The following FAM185A variants were observed in gnomAD, a reference collection of about 807,000 sequenced individuals.
The protein encoded by FAM185A is family with sequence similarity 185 member A.
FAM185A carries 21 observed loss-of-function variants against 45.7 expected under a neutral mutation model. That is an observed-to-expected ratio of 0.46 (90% CI 0.33 to 0.66). The LOEUF is 0.66. FAM185A is among the 30% of genes least tolerant of loss of function. The pLI is 0.03. For synonymous variants in FAM185A, 117 were observed against 194.0 expected, an observed-to-expected ratio of 0.60 and a Z score of 3.30; for missense variants, 305 against 485.4, an observed-to-expected ratio of 0.63 and a Z score of 3.49.
At chr7:102,824,042 G>T in the FAM185A span, among the ~76,000 whole-genome samples, 1,652 of 152,310 alleles carry the variant, frequency 0.011, 36 homozygotes, top group African/African-American at 0.038. Flanking sequence ...CAGAGTAGCA[G>T]GTTTGGTTTG....
intron 2 of FAM185A, among the ~76,000 whole-genome samples, chr7:102,756,540 C>G (rs4729857): frequency 0.52 from 78,690 of 151,580 alleles, 21,295 homozygotes; most frequent in Middle Eastern, 0.65. Context: ...GCTTGTAGTC[C>G]CAGCTACGTG....
intron 5 of FAM185A, among the ~76,000 whole-genome samples, chr7:102,774,151 G>A (rs2537428): frequency 0.22 from 33,001 of 151,794 alleles, 4,233 homozygotes; most frequent in East Asian, 0.53. Flanking sequence ...GTAAGTTTCA[G>A]TGTAGAGATC....
chr7:102,825,541 G>A, the FAM185A span, among the ~76,000 whole-genome samples: 33,785 of 152,054 alleles, frequency 0.22, 4,279 homozygotes, highest in African/African-American at 0.35. Context: ...CCCAGTTTCA[G>A]GTATTCTGTT....
the FAM185A span, among the ~76,000 whole-genome samples, chr7:102,840,514 C>T: frequency 8.7e-4 from 132 of 152,286 alleles, no homozygotes; most frequent in African/African-American, 3.1e-3. Flanking sequence ...ATTTGCACAG[C>T]CAGCCACCTC....
At chr7:102,778,144 G>C (rs1795183327) in intron 6 of FAM185A, among the ~76,000 whole-genome samples, 1 of 152,214 alleles carries the variant, frequency 6.6e-6, no homozygotes, top group African/African-American at 2.4e-5. Context: ...CACAGAGACT[G>C]ATTGTTCCTG....
chr7:102,819,677 C>T, the FAM185A span, among the ~76,000 whole-genome samples: 1 of 152,144 alleles, frequency 6.6e-6, no homozygotes, highest in East Asian at 1.9e-4. Context: ...AGACATTGAG[C>T]TTCTTCCCAA....
At chr7:102,829,325 C>CCT in the FAM185A span, among the ~76,000 whole-genome samples, 1 of 152,202 alleles carries the variant, frequency 6.6e-6, no homozygotes, top group East Asian at 1.9e-4. Flanking sequence ...CAGACTCAGA[C>CCT]AAGTTGGTAA....
chr7:102,760,436 A>C (rs1312750889), intron 3 of FAM185A, among the ~76,000 whole-genome samples: 1 of 149,878 alleles, frequency 6.7e-6, no homozygotes, highest in Admixed American at 6.6e-5. Context: ...TAGTGTATTC[A>C]CTAATTAATG....
chr7:102,760,241 C>G (rs1330349448), intron 3 of FAM185A, among the ~76,000 whole-genome samples: 2 of 151,810 alleles, frequency 1.3e-5, no homozygotes, highest in Non-Finnish European at 2.9e-5. Context: ...TTCATAATAA[C>G]TAAGTGAAAA....
At chr7:102,757,406 T>C (rs1393278823) in intron 2 of FAM185A, among the ~76,000 whole-genome samples, 2 of 152,254 alleles carry the variant, frequency 1.3e-5, no homozygotes, top group Non-Finnish European at 2.9e-5. Flanking sequence ...CTTATCTCTC[T>C]GGTTTGTCGT....
chr7:102,794,210 GGTTTT>G (rs976398702), intron 7 of FAM185A, among the ~76,000 whole-genome samples: 1 of 151,910 alleles, frequency 6.6e-6, no homozygotes, highest in Admixed American at 6.6e-5. Flanking sequence ...ATGCCTGTGG[GGTTTT>G]GTTTTATTAT....
At chr7:102,818,694 G>C in the FAM185A span, among the ~76,000 whole-genome samples, 2 of 152,170 alleles carry the variant, frequency 1.3e-5, no homozygotes, top group Non-Finnish European at 2.9e-5. Flanking sequence ...GGCTCTGAAG[G>C]CCACTAAGAC....
chr7:102,796,166 T>C (rs1305571514), intron 7 of FAM185A, among the ~76,000 whole-genome samples: 4 of 152,036 alleles, frequency 2.6e-5, no homozygotes, highest in East Asian at 1.9e-4. Flanking sequence ...GATGAAATCA[T>C]AGGGAGTCAG....
chr7:102,777,194 T>C, intron 5 of FAM185A, 59 bp from the exon 6 acceptor site: 1 of 1,541,472 alleles, frequency 6.5e-7, no homozygotes, highest in Non-Finnish European at 8.8e-7. Flanking sequence ...TTATTTTAAG[T>C]TTGTAATTCC....
intron 2 of FAM185A, among the ~76,000 whole-genome samples, chr7:102,752,398 A>G (rs943407296): frequency 3.3e-5 from 5 of 151,592 alleles, no homozygotes; most frequent in African/African-American, 9.7e-5. Flanking sequence ...CAGCCTCCCA[A>G]GTAGCTGGGA....
intron 5 of FAM185A, among the ~76,000 whole-genome samples, chr7:102,774,222 TTA>T (rs1794920578): frequency 6.6e-6 from 1 of 152,198 alleles, no homozygotes; most frequent in Non-Finnish European, 1.5e-5. Context: ...GAGACAGTTT[TTA>T]AGACTTTGCT....
chr7:102,761,393 A>T lies in FAM185A; in HGVS notation c.775A>T (p.Thr259Ser). Residue 259 changes from threonine (T) to serine (S), a missense_variant, in exon 4 of 8, where the codon ACA becomes TCA. By Grantham distance (58) the Thr-to-Ser change is moderately conservative. Around this residue, in one of 5 missense-constraint regions of FAM185A, gnomAD observed 44 missense variants for 66.8 expected, o/e 0.66. Coordinates refer to ENST00000413034, the MANE Select transcript of FAM185A (RefSeq NM_001145268.2). ...TCTGTCTTCTGCTGCTGGGGATATT[A>T]CATTAGGAAGTGTTCATGGTAAGCT... ...SFLSSAAGDITLGSVHGNITL... is the reference protein window; with the variant it reads ...SFLSSAAGDISLGSVHGNITL... 6.5e-7 allele frequency: 1 copy of T among 1,531,798 alleles called. No homozygotes were observed. The allele number at this position is 1,531,798 out of a possible 1,614,324, so 94.9% of individuals were successfully genotyped here.
chr7:102,812,244 CAT>C (rs1484968316), downstream of FAM185A, among the ~76,000 whole-genome samples: 3 of 152,172 alleles, frequency 2.0e-5, no homozygotes, highest in African/African-American at 7.2e-5. Context: ...TTCGGCAGCA[CAT>C]ATACTAAAAC....
At chr7:102,833,719 A>G in the FAM185A span, among the ~76,000 whole-genome samples, 2 of 151,644 alleles carry the variant, frequency 1.3e-5, no homozygotes, top group African/African-American at 4.9e-5. Flanking sequence ...CACTGTGCCC[A>G]GCTCCTCTTT....
Sources: gnomAD v4.1 joint callset for allele counts (sites outside exome capture counted in the v4.1 genomes callset) on GRCh38, gnomAD v4.1.1 for gene constraint, gnomAD v4.1.1 regional missense constraint, MANE v1.5 for transcripts, NCBI Gene and HGNC (gene_info 2026-07-23, HGNC 2026-07-21) for gene names.